The following ASTN2 variants were observed in gnomAD, a reference collection of about 807,000 sequenced individuals.
ASTN2 encodes the protein astrotactin 2, also known as astrotactin-2.
A neutral mutation model predicts 139.8 loss-of-function variants in ASTN2; 54 were observed. The observed-to-expected ratio is 0.39, with a 90% CI of 0.31 to 0.48. The LOEUF is 0.48. ASTN2 is among the 20% of genes least tolerant of loss of function. The pLI is 0.95. For synonymous variants in ASTN2, 756 were observed against 719.5 expected, an observed-to-expected ratio of 1.05 and a Z score of -0.81; for missense variants, 1,565 against 1,725.1, an observed-to-expected ratio of 0.91 and a Z score of 1.64.
chr9:116,533,273 G>A (rs914431412), intron 19 of ASTN2, among the ~76,000 whole-genome samples: 1 of 152,102 alleles, frequency 6.6e-6, no homozygotes, highest in Non-Finnish European at 1.5e-5. Context: ...GAGACAATGG[G>A]GTTTTCTAAA....
intron 2 of ASTN2, 131 bp from the exon 3 acceptor site, chr9:117,214,873 C>T (rs55654343): frequency 0.039 from 43,052 of 1,110,454 alleles, 2,032 homozygotes; most frequent in East Asian, 0.26. Context: ...GAACCACCAG[C>T]CGTGGTTTTT....
At chr9:116,763,582 C>T (rs1465629837) in intron 13 of ASTN2, among the ~76,000 whole-genome samples, 1 of 152,096 alleles carries the variant, frequency 6.6e-6, no homozygotes, top group Non-Finnish European at 1.5e-5. Flanking sequence ...AACACAGCCT[C>T]GGTTTGTTTA....
intron 1 of ASTN2, among the ~76,000 whole-genome samples, chr9:117,297,392 G>A (rs1056719981): frequency 1.3e-5 from 2 of 152,206 alleles, no homozygotes; most frequent in African/African-American, 4.8e-5. Flanking sequence ...CTTGCTGAGT[G>A]AGCCTGGGAA....
chr9:116,543,445 A>G (rs1286299732), intron 19 of ASTN2, among the ~76,000 whole-genome samples: 2 of 151,974 alleles, frequency 1.3e-5, no homozygotes, highest in Non-Finnish European at 2.9e-5. Flanking sequence ...CTCAAAAAAA[A>G]AAAAAAAATT....
intron 1 of ASTN2, among the ~76,000 whole-genome samples, chr9:117,351,378 C>T (rs574866361): frequency 6.6e-6 from 1 of 152,252 alleles, no homozygotes; most frequent in South Asian, 2.1e-4. Flanking sequence ...TATTCCAATA[C>T]CACATCTTTT....
intron 10 of ASTN2, among the ~76,000 whole-genome samples, chr9:116,956,148 T>C (rs1486623325): frequency 1.4e-5 from 2 of 141,824 alleles, no homozygotes; most frequent in South Asian, 2.2e-4. Flanking sequence ...CAGGCTGGAG[T>C]GCAATGGCGC....
chr9:116,584,444 T>C (rs974273897), intron 19 of ASTN2: 2 of 152,290 alleles, frequency 1.3e-5, no homozygotes, highest in Non-Finnish European at 2.9e-5. Context: ...AGATAAACTA[T>C]AGCCCACTAC....
At chr9:116,486,457 T>G (rs1006797818) in intron 20 of ASTN2, among the ~76,000 whole-genome samples, 2 of 152,028 alleles carry the variant, frequency 1.3e-5, no homozygotes, top group African/African-American at 4.8e-5. Flanking sequence ...GAGGGATAAA[T>G]GGAAAATAGA....
At chr9:117,022,346 C>G (rs575687590) in intron 6 of ASTN2, among the ~76,000 whole-genome samples, 10 of 151,394 alleles carry the variant, frequency 6.6e-5, no homozygotes, top group Non-Finnish European at 1.5e-4. Context: ...TTCACAACCT[C>G]TATGAGAAGA....
chr9:117,280,785 T>G (rs1164993998), intron 2 of ASTN2, among the ~76,000 whole-genome samples: 1 of 152,182 alleles, frequency 6.6e-6, no homozygotes, highest in Non-Finnish European at 1.5e-5. Context: ...ATTTCTCCAC[T>G]GTAAAGTCAC....
chr9:116,525,137 T>C (rs1382847395), intron 19 of ASTN2, among the ~76,000 whole-genome samples: 1 of 152,144 alleles, frequency 6.6e-6, no homozygotes, highest in East Asian at 1.9e-4. Context: ...ATGAGGAACT[T>C]ATTGGGAACT....
chr9:116,971,492 CCA>C, intron 10 of ASTN2, among the ~76,000 whole-genome samples: 1 of 152,340 alleles, frequency 6.6e-6, no homozygotes, highest in South Asian at 2.1e-4. Context: ...TCTATGTTTA[CCA>C]CACATGTGAC....
intron 4 of ASTN2, among the ~76,000 whole-genome samples, chr9:117,109,351 TAAATAA>T (rs10612227): frequency 0.03 from 2,660 of 89,624 alleles, 62 homozygotes; most frequent in South Asian, 0.078. Flanking sequence ...AATAAATAAA[TAAATAA>T]AAATAAATAA....
intron 7 of ASTN2, among the ~76,000 whole-genome samples, chr9:116,989,061 A>G (rs1315052487): frequency 1.3e-5 from 2 of 152,210 alleles, no homozygotes; most frequent in Non-Finnish European, 1.5e-5. Flanking sequence ...AGTGAAATAC[A>G]CAAAATAAAT....
intron 19 of ASTN2, among the ~76,000 whole-genome samples, chr9:116,513,636 C>G (rs879823120): frequency 6.6e-6 from 1 of 152,180 alleles, no homozygotes; most frequent in Non-Finnish European, 1.5e-5. Flanking sequence ...TTCAGGTACA[C>G]CTATCAGACG....
chr9:116,448,863 C>T (rs914414298), intron 20 of ASTN2, among the ~76,000 whole-genome samples: 6 of 152,104 alleles, frequency 3.9e-5, no homozygotes, highest in Admixed American at 3.3e-4. Context: ...TAATAGTGTT[C>T]GTGATGGATT....
At chr9:116,623,023 T>C (rs149367106) in intron 17 of ASTN2, among the ~76,000 whole-genome samples, 101 of 152,284 alleles carry the variant, frequency 6.6e-4, no homozygotes, top group African/African-American at 2.4e-3. Flanking sequence ...TAAAATTCTG[T>C]AACATCTCCA....
intron 5 of ASTN2, among the ~76,000 whole-genome samples, chr9:117,054,531 C>T (rs773921802): frequency 2.0e-5 from 3 of 152,288 alleles, no homozygotes; most frequent in East Asian, 3.9e-4. Context: ...CAGTGCAGAG[C>T]AGCAAATCCT....
chr9:116,808,277 T>TTGTGTGTG (rs10553571), intron 12 of ASTN2, among the ~76,000 whole-genome samples: 94 of 149,676 alleles, frequency 6.3e-4, no homozygotes, highest in Admixed American at 2.2e-3. Flanking sequence ...TAAATACATA[T>TTGTGTGTG]TGTGTGTGTG....
Sources: gnomAD v4.1 joint callset for allele counts (sites outside exome capture counted in the v4.1 genomes callset) on GRCh38, gnomAD v4.1.1 for gene constraint, MANE v1.5 for transcripts, NCBI Gene and HGNC (gene_info 2026-07-23, HGNC 2026-07-21) for gene names.